The following RND2 variants were observed in gnomAD, a reference collection of about 807,000 sequenced individuals.
RND2 encodes the protein rho-related GTP-binding protein RhoN.
Under a neutral mutation model 25.9 loss-of-function variants are expected in RND2, and 16 were observed. The ratio of observed to expected loss-of-function variants is 0.62; its 90% CI spans 0.42 to 0.94. The LOEUF (loss-of-function observed/expected upper bound fraction) is 0.94, where lower values mean the gene tolerates loss of function less well. Ranked by LOEUF, RND2 falls within the 40% of genes least tolerant of loss-of-function variation. RND2 has a pLI of 0.00. For synonymous variants in RND2, 97 were observed against 118.1 expected, an observed-to-expected ratio of 0.82 and a Z score of 1.16; for missense variants, 276 against 305.5, an observed-to-expected ratio of 0.90 and a Z score of 0.72.
At chr17:43,026,720 A>G (rs1302708171) in intron 2 of RND2, among the ~76,000 whole-genome samples, 1 of 152,200 alleles carries the variant, frequency 6.6e-6, no homozygotes. Context: ...GTTTCTCTCC[A>G]TTGAACTAGA....
Position 43,028,840 on chromosome 17 carries a change from C to T in RND2, c.*160C>T, listed in dbSNP as rs891354236. 1.9e-5 allele frequency: 19 copies of T among 1,003,158 alleles called. No homozygotes were observed. Among genetic ancestry groups the T allele is most frequent in the Admixed American group, 1.6e-4 (6 of 37,080 alleles). 62.1% of individuals were successfully genotyped at this position (1,003,158 alleles called of 1,614,324 possible). ...GAGCTGGAGGGCAGAAGGGTATCATCGTTTCTCATCTCCTCCTCCCTCCTC... is the reference window on the plus strand; with the variant it reads ...GAGCTGGAGGGCAGAAGGGTATCATTGTTTCTCATCTCCTCCTCCCTCCTC... On this transcript the variant is annotated 3_prime_UTR_variant, in exon 5 of 5. Coordinates refer to ENST00000587250, the MANE Select transcript of RND2 (RefSeq NM_005440.5).
In RND2 at chr17:43,030,182, T is replaced by C. The variant is rs1378069917; in HGVS notation, c.*1502T>C. ...GTCAGGAAAGACAGTACTGGTCTGT[T>C]TTCTCGGGAGTCTGGTTTCAGATTG... On this transcript the variant is annotated 3_prime_UTR_variant, in exon 5 of 5. Coordinates refer to ENST00000587250, the MANE Select transcript of RND2 (RefSeq NM_005440.5). 1 of 152,616 alleles carries C rather than the reference T, an allele frequency of 6.6e-6. No individual in the cohort carries two copies. Among genetic ancestry groups the C allele is most frequent in the Non-Finnish European group, 1.5e-5 (1 of 68,096 alleles). The allele number at this position is 152,616 out of a possible 1,614,324, so 9.5% of individuals were successfully genotyped here. A position where few individuals can be genotyped will look rare whatever the true frequency, so the allele number is the denominator to read the frequency against.
Position 43,028,100 on chromosome 17 carries a change from G to A in RND2, c.340G>A (p.Val114Ile), listed in dbSNP as rs2050638664. 6.2e-7 allele frequency: 1 copy of A among 1,614,020 alleles called. No individual in the cohort carries two copies. Reference protein sequence around the residue: ...ETQEFCPNAKVVLVGCKLDMR... With the variant: ...ETQEFCPNAKIVLVGCKLDMR... The stretch of plus-strand genomic sequence containing the variant: ...TCAAGAGTTCTGCCCCAATGCCAAG[G>A]TTGTGCTGGTTGGCTGTAAACTGGA... Residue 114 changes from valine (V) to isoleucine (I), a missense_variant, in exon 4 of 5, where the codon GTT becomes ATT. Physicochemically the swap from Val to Ile is conservative, Grantham distance 29. Coordinates refer to ENST00000587250, the MANE Select transcript of RND2 (RefSeq NM_005440.5).
chr17:43,027,202 T>C lies in RND2; in HGVS notation c.210T>C (p.Asn70=), dbSNP rs2050629860. ...CTTCAGGTTCCTCTTACTATGATAA[T>C]GTCCGGCCTCTGGCCTATCCTGATT... ...WDTSGSSYYD[N]VRPLAYPDSD... Residue 70 remains asparagine, a synonymous_variant, in exon 3 of 5, where the codon AAT becomes AAC. Transcript: ENST00000587250. 8.1e-6 allele frequency: 13 copies of C among 1,608,826 alleles called. No individual in the cohort carries two copies. Among genetic ancestry groups the C allele is most frequent in the Non-Finnish European group, 1.1e-5 (13 of 1,177,188 alleles).
At chr17:43,025,792 C>CGGGGGGGGGGGG (rs570226935) in intron 1 of RND2, among the ~76,000 whole-genome samples, 168 bp from the exon 2 acceptor site, 1 of 4,280 alleles carries the variant, frequency 2.3e-4, no homozygotes, top group African/African-American at 7.5e-4. Flanking sequence ...AGAGATTCTC[C>CGGGGGGGGGGGG]GGGGGGGGGG....
In RND2 at chr17:43,025,253, T is replaced by C. The variant is rs1332584642; in HGVS notation, c.-95T>C. 9.2e-7 allele frequency: 1 copy of C among 1,088,912 alleles called. No homozygotes were observed. Among genetic ancestry groups the C allele is most frequent in the Admixed American group, 4.1e-5 (1 of 24,416 alleles). 67.5% of individuals were successfully genotyped at this position (1,088,912 alleles called of 1,614,324 possible). On this transcript the variant is annotated 5_prime_UTR_variant, in exon 1 of 5. Coordinates refer to ENST00000587250, the MANE Select transcript of RND2 (RefSeq NM_005440.5). ...GGCGCGGGCCCGCGAGATGCCGGTGTTGGCGGCCCGAGCGGCTGCAGTTGC... is the reference window on the plus strand; with the variant it reads ...GGCGCGGGCCCGCGAGATGCCGGTGCTGGCGGCCCGAGCGGCTGCAGTTGC...
In RND2 at chr17:43,028,586, G is replaced by A; in HGVS notation, c.590G>A (p.Gly197Glu). The A allele has an allele frequency of 1.2e-6, 2 of 1,614,090 alleles. No homozygotes were observed. Among genetic ancestry groups the A allele is most frequent in the East Asian group, 4.5e-5 (2 of 44,878 alleles). The change falls in exon 5 of 5, where the codon GGA (glycine) becomes GAA (glutamate). Residue 197 changes from glycine (G) to glutamate (E), a missense_variant. Transcript: ENST00000587250. ...CTGCGCCGAACTGACTCACGCCGGG[G>A]AATGCAGCGATCCGCTCAGCTGTCA... ...RQLRRTDSRRGMQRSAQLSGR... is the reference protein window; with the variant it reads ...RQLRRTDSRREMQRSAQLSGR...
intron 2 of RND2, among the ~76,000 whole-genome samples, chr17:43,026,422 G>A (rs531876774): frequency 6.6e-6 from 1 of 152,286 alleles, no homozygotes; most frequent in African/African-American, 2.4e-5. Context: ...GGCTGGGGTG[G>A]GGGGATCACC....
chr17:43,028,350 C>A, intron 4 of RND2, 82 bp from the exon 5 acceptor site: 1 of 1,586,870 alleles, frequency 6.3e-7, no homozygotes, highest in South Asian at 1.2e-5. Flanking sequence ...GACATTCAAC[C>A]CCAGCCCACA....
At chr17:43,026,085 C>T (rs780497902) in intron 2 of RND2, 38 bp downstream of exon 2, 6 of 1,482,710 alleles carry the variant, frequency 4.0e-6, no homozygotes, top group South Asian at 1.1e-5. Context: ...ACTTCCAAGG[C>T]GGCCCACTCT....
rs749021254 is a variant in RND2 at position 43,028,078 on chromosome 17, A to G, written c.318A>G (p.Gln106=). The change falls in exon 4 of 5, where the codon CAA becomes CAG. Residue 106 remains glutamine, a synonymous_variant. Coordinates refer to ENST00000587250, the MANE Select transcript of RND2 (RefSeq NM_005440.5). ...CTACATAGTGGCAAGGAGAGACTCA[A>G]GAGTTCTGCCCCAATGCCAAGGTTG... is the stretch of plus-strand genomic sequence containing the variant. ...SVLKKWQGET[Q]EFCPNAKVVL... is the part of the protein sequence containing the mutation. 2 of 1,613,984 alleles carry G rather than the reference A, an allele frequency of 1.2e-6. No homozygotes were observed. The highest frequency in any genetic ancestry group is 1.7e-6 in the Non-Finnish European group (2 of 1,179,930).
Position 43,028,723 on chromosome 17 carries a change from C to G in RND2, c.*43C>G. 6.6e-7 allele frequency: 1 copy of G among 1,513,682 alleles called. No homozygotes were observed. The highest frequency in any genetic ancestry group is 8.9e-7 in the Non-Finnish European group (1 of 1,127,016). 93.8% of individuals were successfully genotyped at this position (1,513,682 alleles called of 1,614,324 possible). A position where few individuals can be genotyped will look rare whatever the true frequency, so the allele number is the denominator to read the frequency against. On this transcript the variant is annotated 3_prime_UTR_variant, in exon 5 of 5. Coordinates refer to ENST00000587250, the MANE Select transcript of RND2 (RefSeq NM_005440.5). Reference sequence around the variant, plus strand: ...GAGTGTGAAGAGGGGTGGTGAGGGACACAATTGTTCCCCTGCCTGCGCCCA... The same window carrying G: ...GAGTGTGAAGAGGGGTGGTGAGGGAGACAATTGTTCCCCTGCCTGCGCCCA...
chr17:43,028,499 G>C lies in RND2; in HGVS notation c.503G>C (p.Arg168Pro), dbSNP rs189588511. ...GAGTGCTCCTCCCGGTCCTCTGAGCGCAGCGTCAGGGATGTCTTCCATGTG... is the reference window on the plus strand; with the variant it reads ...GAGTGCTCCTCCCGGTCCTCTGAGCCCAGCGTCAGGGATGTCTTCCATGTG... ...YVECSSRSSERSVRDVFHVAT... is the reference protein window; with the variant it reads ...YVECSSRSSEPSVRDVFHVAT... Residue 168 changes from arginine (R) to proline (P), a missense_variant, in exon 5 of 5, where the codon CGC becomes CCC. Arg to Pro is a moderately radical substitution (Grantham distance 103). Coordinates refer to ENST00000587250, the MANE Select transcript of RND2 (RefSeq NM_005440.5). 1 of 1,614,240 alleles carries C rather than the reference G, an allele frequency of 6.2e-7. No individual in the cohort carries two copies. The highest frequency in any genetic ancestry group is 8.5e-7 in the Non-Finnish European group (1 of 1,180,052).
chr17:43,027,680 G>T (rs554666513), intron 3 of RND2, among the ~76,000 whole-genome samples: 11 of 151,296 alleles, frequency 7.3e-5, no homozygotes, highest in African/African-American at 2.4e-4. Context: ...AAAGCCAGGG[G>T]TGAATGGACA....
At chr17:43,025,850 C>T (rs2050618363) in intron 1 of RND2, 110 bp from the exon 2 acceptor site, 1 of 444,254 alleles carries the variant, frequency 2.3e-6, no homozygotes, top group African/African-American at 2.2e-5. Flanking sequence ...CAATCCCAGA[C>T]CAACTTGTGT....
At position 43,029,020 on chromosome 17, in the gene RND2, A is replaced by G. The variant is rs1234383146; in HGVS notation, c.*340A>G. ...CTCCCTCTCCACCCCCAGTCCCCAT[A>G]TCCTGGTTCTGGCCCAAGGAAAATG... On this transcript the variant is annotated 3_prime_UTR_variant, in exon 5 of 5. Coordinates refer to ENST00000587250, the MANE Select transcript of RND2 (RefSeq NM_005440.5). 1 of 302,328 alleles carries G rather than the reference A, an allele frequency of 3.3e-6. No homozygotes were observed. Among genetic ancestry groups the G allele is most frequent in the Admixed American group, 4.4e-5 (1 of 22,890 alleles). The allele number at this position is 302,328 out of a possible 1,614,324, so 18.7% of individuals were successfully genotyped here.
chr17:43,026,189 T>C, intron 2 of RND2, 142 bp downstream of exon 2: 1 of 581,066 alleles, frequency 1.7e-6, no homozygotes. Context: ...TCTGCTAAAA[T>C]CCAGGGAAAC....
chr17:43,025,717 G>C (rs946626588), intron 1 of RND2, among the ~76,000 whole-genome samples: 1 of 149,832 alleles, frequency 6.7e-6, no homozygotes, highest in Non-Finnish European at 1.5e-5. Flanking sequence ...CTGGGCAATG[G>C]AGAGGGGAAG....
intron 2 of RND2, 132 bp from the exon 3 acceptor site, chr17:43,027,051 T>C: frequency 1.8e-6 from 1 of 548,484 alleles, no homozygotes; most frequent in Non-Finnish European, 3.2e-6. Flanking sequence ...TGATGGGTAT[T>C]AATGATGGGT....
Sources: gnomAD v4.1 joint callset for allele counts (sites outside exome capture counted in the v4.1 genomes callset) on GRCh38, gnomAD v4.1.1 for gene constraint, MANE v1.5 for transcripts, NCBI Gene and HGNC (gene_info 2026-07-23, HGNC 2026-07-21) for gene names.